Variants in CADM1 observed in about 807,000 individuals in gnomAD.
CADM1 encodes the protein cell adhesion molecule 1.
A neutral mutation model predicts 53.1 loss-of-function variants in CADM1; 15 were observed. That is an observed-to-expected ratio of 0.28 (90% CI 0.19 to 0.44). The LOEUF (loss-of-function observed/expected upper bound fraction) is 0.44. Among genes scored for constraint, CADM1 ranks in the 20% least tolerant of loss-of-function variants. The pLI, the probability that CADM1 is intolerant of heterozygous loss-of-function variation, is 1.00. For synonymous variants in CADM1, 281 were observed against 243.0 expected (o/e 1.16, Z -1.45); for missense variants, 434 against 611.3 (o/e 0.71, Z 3.06).
chr11:115,499,360 T>C (rs1949685183), intron 1 of CADM1, among the ~76,000 whole-genome samples: 1 of 152,342 alleles, frequency 6.6e-6, no homozygotes, highest in East Asian at 1.9e-4. Context: ...TTCTCCCCTA[T>C]GAAGGTGCTT....
intron 1 of CADM1, among the ~76,000 whole-genome samples, chr11:115,372,545 A>G (rs961601966): frequency 6.6e-6 from 1 of 152,152 alleles, no homozygotes; most frequent in Admixed American, 6.5e-5. Flanking sequence ...GAACATTGAT[A>G]AAAATGTGAA....
At chr11:115,198,469 G>T in intron 8 of CADM1, 31 bp from the exon 9 acceptor site, 1 of 1,582,992 alleles carries the variant, frequency 6.3e-7, no homozygotes, top group Non-Finnish European at 8.6e-7. Flanking sequence ...TTGGAGGAAG[G>T]GAAGAAACAG....
At chr11:115,398,865 T>G (rs1390334870) in intron 1 of CADM1, among the ~76,000 whole-genome samples, 1 of 152,168 alleles carries the variant, frequency 6.6e-6, no homozygotes, top group Admixed American at 6.5e-5. Flanking sequence ...CTTTGGTGCC[T>G]GGTCTCCAAG....
At chr11:115,254,549 A>AACACACACACAC (rs58261564) in intron 1 of CADM1, among the ~76,000 whole-genome samples, 10 of 134,896 alleles carry the variant, frequency 7.4e-5, no homozygotes, top group African/African-American at 2.5e-4. Context: ...AAGGGAGACA[A>AACACACACACAC]ACACACACAC....
At chr11:115,458,296 A>C (rs1045222757) in intron 1 of CADM1, among the ~76,000 whole-genome samples, 1 of 152,170 alleles carries the variant, frequency 6.6e-6, no homozygotes, top group Non-Finnish European at 1.5e-5. Flanking sequence ...AACTGAGATC[A>C]TCACATCCCA....
chr11:115,466,570 T>A (rs1948902690), intron 1 of CADM1, among the ~76,000 whole-genome samples: 1 of 152,196 alleles, frequency 6.6e-6, no homozygotes, highest in Non-Finnish European at 1.5e-5. Context: ...CTTTCAAATG[T>A]TTAGCACGTG....
chr11:115,339,029 A>G (rs4936329), intron 1 of CADM1, among the ~76,000 whole-genome samples: 37,660 of 125,422 alleles, frequency 0.3, 6,709 homozygotes, highest in Non-Finnish European at 0.41. Flanking sequence ...ATATCTCCCA[A>G]TGCTATCCCT....
intron 1 of CADM1, among the ~76,000 whole-genome samples, chr11:115,251,825 G>T (rs1435746708): frequency 6.6e-6 from 1 of 152,146 alleles, no homozygotes; most frequent in African/African-American, 2.4e-5. Context: ...GAGGTAGAAA[G>T]CTCTTTTAAG....
chr11:115,396,870 GC>G (rs897801770), intron 1 of CADM1: 4 of 149,594 alleles, frequency 2.7e-5, no homozygotes, highest in African/African-American at 9.8e-5. Context: ...TTTGAAGTTT[GC>G]CCCAGTGTGA....
intron 1 of CADM1, among the ~76,000 whole-genome samples, chr11:115,339,724 A>T (rs1254885107): frequency 6.6e-6 from 1 of 152,142 alleles, no homozygotes; most frequent in Non-Finnish European, 1.5e-5. Flanking sequence ...ATTAGATCCA[A>T]AGTTTAATTA....
intron 1 of CADM1, among the ~76,000 whole-genome samples, chr11:115,323,764 T>C (rs764833270): frequency 6.2e-4 from 94 of 152,138 alleles, no homozygotes; most frequent in Non-Finnish European, 1.1e-3. Context: ...ATGATTATAG[T>C]ATCGCTTGCC....
chr11:115,336,169 G>A (rs910915117), intron 1 of CADM1, among the ~76,000 whole-genome samples: 1 of 152,074 alleles, frequency 6.6e-6, no homozygotes, highest in Non-Finnish European at 1.5e-5. Context: ...TTTACTGTAT[G>A]TGGAGGTGAA....
intron 8 of CADM1, among the ~76,000 whole-genome samples, chr11:115,203,949 T>C (rs1246012800): frequency 6.6e-6 from 1 of 152,190 alleles, no homozygotes; most frequent in Admixed American, 6.5e-5. Flanking sequence ...GCTTATTATG[T>C]AAAAGGTGGC....
intron 1 of CADM1, among the ~76,000 whole-genome samples, chr11:115,441,338 C>T (rs1183265788): frequency 6.6e-6 from 1 of 152,026 alleles, no homozygotes; most frequent in Non-Finnish European, 1.5e-5. Flanking sequence ...CATTCAAATA[C>T]AAAATGTGTA....
chr11:115,416,877 G>A (rs371450040), intron 1 of CADM1, among the ~76,000 whole-genome samples: 1 of 152,062 alleles, frequency 6.6e-6, no homozygotes, highest in Non-Finnish European at 1.5e-5. Context: ...AGACTGAATC[G>A]AATCAGCCAC....
At chr11:115,408,438 G>T (rs186358499) in intron 1 of CADM1, among the ~76,000 whole-genome samples, 3 of 152,264 alleles carry the variant, frequency 2.0e-5, no homozygotes, top group African/African-American at 4.8e-5. Context: ...ATCAATGAAG[G>T]CCTGGATTTC....
At chr11:115,293,555 T>A (rs1355337254) in intron 1 of CADM1, among the ~76,000 whole-genome samples, 2 of 152,226 alleles carry the variant, frequency 1.3e-5, no homozygotes, top group Non-Finnish European at 2.9e-5. Flanking sequence ...ACCCAACTTG[T>A]AATTAAAGTT....
At chr11:115,396,943 C>A (rs1288991437) in intron 1 of CADM1, 1 of 151,586 alleles carries the variant, frequency 6.6e-6, no homozygotes, top group Non-Finnish European at 1.5e-5. Context: ...ATTTAATAAT[C>A]TTATGCTTCA....
Position 115,221,863 on chromosome 11 carries a change from G to A in CADM1, c.722-3872C>T, listed in dbSNP as rs75003959. On this transcript the variant is annotated intron_variant, in intron 5 of 11. Transcript: ENST00000331581. ...ATACCCTGGCAGGAGACATGCCAGC[G>A]GGAGACCTATTATCCCTGGAGTCCC... Among the ~76,000 whole-genome samples, 515 of 152,208 alleles carry A rather than the reference G, an allele frequency of 3.4e-3. 8 individuals are homozygous for A. In the East Asian group the frequency reaches 0.041, roughly 12 times the overall value.
Sources: allele counts gnomAD v4.1 joint callset (sites outside exome capture counted in the v4.1 genomes callset), GRCh38; gene constraint gnomAD v4.1.1; transcripts MANE v1.5; gene names NCBI Gene and HGNC (gene_info 2026-07-23, HGNC 2026-07-21).